Variants in DOCK8 observed in about 807,000 individuals in gnomAD.
DOCK8 encodes the protein dedicator of cytokinesis protein 8.
Under a neutral mutation model 245.6 loss-of-function variants are expected in DOCK8, and 141 were observed. The ratio of observed to expected loss-of-function variants is 0.57; its 90% confidence interval spans 0.50 to 0.66. The LOEUF (loss-of-function observed/expected upper bound fraction) is 0.66, where lower values mean the gene tolerates loss of function less well. Ranked by LOEUF, DOCK8 falls within the 30% of genes least tolerant of loss-of-function variation. DOCK8 has a pLI of 0.00. For synonymous variants in DOCK8, 1,168 were observed against 970.2 expected (o/e 1.20, Z -3.79); for missense variants, 2,965 against 2,603.4 (o/e 1.14, Z -3.02).
rs564047307 is a variant in DOCK8, at chr9:425,678, G to C, written c.4242-1207G>C. 2.7e-5 allele frequency among the ~76,000 whole-genome samples: 4 copies of C among 150,900 alleles called. No homozygotes were observed. The East Asian group carries it at 7.8e-4, about 30-fold the overall frequency. ...GAGGCTAAGGCAGAGCATCACTTGA[G>C]CCCAGGAGTTCGAGGCTTCAGTGAG... On this transcript the variant is annotated intron_variant, in intron 33 of 47. Transcript: ENST00000432829.
chr9:451,622 AAAAAAC>A (rs2057441125), intron 45 of DOCK8, among the ~76,000 whole-genome samples: 1 of 152,006 alleles, frequency 6.6e-6, no homozygotes, highest in Non-Finnish European at 1.5e-5. Flanking sequence ...GACCCTGTCT[AAAAAAC>A]AAAAACAAAA....
At chr9:385,950 T>C (rs577834123) in intron 22 of DOCK8, among the ~76,000 whole-genome samples, 1 of 152,258 alleles carries the variant, frequency 6.6e-6, no homozygotes, top group East Asian at 1.9e-4. Context: ...TTTTTGACAA[T>C]GTATTGGTGT....
At position 392,137 on chromosome 9, in the gene DOCK8, T is replaced by TAA. The variant is rs79584385; in HGVS notation, c.2970+1586_2970+1587dup. Among the ~76,000 whole-genome samples, 252 of 124,720 alleles carry TAA rather than the reference T, an allele frequency of 2.0e-3. 1 individual carries two copies. The highest frequency in any genetic ancestry group is 7.0e-3 in the African/African-American group (238 of 33,866). 81.8% of individuals were successfully genotyped at this position (124,720 alleles called of 152,430 possible). A position where few individuals can be genotyped will look rare whatever the true frequency, so the allele number is the denominator to read the frequency against. ...TGGGCAAAAAGAGCAAAACTCCATC[T>TAA]AAAAAAAAAAAAAAAAGAGAGAGGG... On this transcript the variant is annotated intron_variant, in intron 24 of 47. Coordinates refer to ENST00000432829, the MANE Select transcript of DOCK8 (RefSeq NM_203447.4).
At chr9:255,142 C>T (rs1027710181) in intron 1 of DOCK8, among the ~76,000 whole-genome samples, 3 of 152,094 alleles carry the variant, frequency 2.0e-5, no homozygotes, top group African/African-American at 7.2e-5. Flanking sequence ...AAAAAGAGAA[C>T]AGTCTCAATA....
intron 27 of DOCK8, 155 bp downstream of exon 27, chr9:405,228 C>G: frequency 1.3e-6 from 1 of 744,304 alleles, no homozygotes; most frequent in Admixed American, 2.5e-5. Context: ...TGAAGTTACA[C>G]CACTAGCTAA....
intron 45 of DOCK8, 131 bp from the exon 46 acceptor site, chr9:451,880 T>C (rs2057450595): frequency 4.6e-6 from 1 of 215,172 alleles, no homozygotes; most frequent in Non-Finnish European, 8.1e-6. Context: ...TGTATATATA[T>C]ATACATATAT....
intron 4 of DOCK8, among the ~76,000 whole-genome samples, chr9:292,824 T>C (rs985147474): frequency 6.6e-6 from 1 of 152,212 alleles, no homozygotes; most frequent in Non-Finnish European, 1.5e-5. Context: ...GCTTAAAATT[T>C]GATTCACAAA....
intron 18 of DOCK8, among the ~76,000 whole-genome samples, chr9:375,169 C>G (rs896721156): frequency 6.6e-6 from 1 of 152,096 alleles, no homozygotes; most frequent in African/African-American, 2.4e-5. Context: ...ACTTTGGGCC[C>G]CAGCTTTTGA....
chr9:417,942 C>A, intron 29 of DOCK8, 126 bp from the exon 30 acceptor site: 2 of 1,208,872 alleles, frequency 1.7e-6, no homozygotes, highest in African/African-American at 1.5e-5. Flanking sequence ...ATACATAATG[C>A]TAAACATCAG....
In DOCK8 at chr9:286,518, C is replaced by G; in HGVS notation, c.214C>G (p.Leu72Val). 1 of 1,614,062 alleles carries G rather than the reference C, an allele frequency of 6.2e-7. No homozygotes were observed. The highest frequency in any genetic ancestry group is 8.5e-7 in the Non-Finnish European group (1 of 1,179,944). Residue 72 changes from leucine to valine, a missense_variant, in exon 3 of 48, where the codon CTG becomes GTG. This residue lies in a region of DOCK8 where 2,825 missense variants were observed against 2,453.5 expected (regional missense o/e 1.15). Coordinates refer to ENST00000432829, the MANE Select transcript of DOCK8 (RefSeq NM_203447.4). The stretch of plus-strand genomic sequence containing the variant: ...CTTTGAAGGACTTCTGATGACACAC[C>G]TGAACAGCCTGGATGTGCAGCTTGC... ...VDFEGLLMTH[L>V]NSLDVQLAQE...
chr9:425,289 T>C (rs763796966), intron 33 of DOCK8, among the ~76,000 whole-genome samples: 3 of 152,030 alleles, frequency 2.0e-5, no homozygotes, highest in Admixed American at 6.6e-5. Flanking sequence ...TCCCAGCACT[T>C]TGGGAGGCCG....
rs1161168585 is a variant in DOCK8 at position 418,146 on chromosome 9, C to G, written c.3779C>G (p.Ala1260Gly). The change falls in exon 30 of 48, where the codon GCT becomes GGT. Residue 1260 changes from alanine (A) to glycine (G), a missense_variant. By Grantham distance (60) the Ala-to-Gly change is moderately conservative (BLOSUM62 0). Around this residue, in one of 3 missense-constraint regions of DOCK8, gnomAD observed 2,825 missense variants for 2,453.5 expected, o/e 1.15. Transcript: ENST00000432829. ...GCCGGTGCCATTAACCAGAATGTGG[C>G]TCTGGCCATAGCAGGGAATAATTTC... Reference protein sequence around the residue: ...EGAGAINQNVALAIAGNNFNL... With the variant: ...EGAGAINQNVGLAIAGNNFNL... 1 of 1,614,228 alleles carries G rather than the reference C, an allele frequency of 6.2e-7. No homozygotes were observed. The highest frequency in any genetic ancestry group is 8.5e-7 in the Non-Finnish European group (1 of 1,180,032).
intron 7 of DOCK8, among the ~76,000 whole-genome samples, chr9:324,526 T>C (rs1451151999): frequency 6.6e-6 from 1 of 152,092 alleles, no homozygotes; most frequent in African/African-American, 2.4e-5. Context: ...GGATTATGCT[T>C]TGGGATTCAC....
chr9:215,801 C>G (rs1291590482), intron 1 of DOCK8: 1 of 179,190 alleles, frequency 5.6e-6, no homozygotes, highest in East Asian at 1.7e-4. Flanking sequence ...GGTGCTTTAA[C>G]TGCAGTTTTT....
At chr9:306,296 C>T (rs184954296) in intron 5 of DOCK8, among the ~76,000 whole-genome samples, 1 of 152,236 alleles carries the variant, frequency 6.6e-6, no homozygotes, top group East Asian at 1.9e-4. Context: ...TAGAATCAGC[C>T]ATCATTTCCA....
Position 371,524 on chromosome 9 carries a change from G to A in DOCK8, c.1965G>A (p.Gln655=), listed in dbSNP as rs760571623. Reference sequence around the variant, plus strand: ...TCACCTTCTACCATATCAGCTGTCAGCAGAAGCAAGGAGCCTCCGTGGAAA... The same window carrying A: ...TCACCTTCTACCATATCAGCTGTCAACAGAAGCAAGGAGCCTCCGTGGAAA... ...LLFTFYHISC[Q]QKQGASVETL... The change falls in exon 17 of 48, where the codon CAG becomes CAA. Residue 655 remains glutamine (Q), a synonymous_variant. Coordinates refer to ENST00000432829, the MANE Select transcript of DOCK8 (RefSeq NM_203447.4). The A allele has an allele frequency of 5.0e-6, 8 of 1,614,212 alleles. No individual in the cohort carries two copies. Among genetic ancestry groups the A allele is most frequent in the East Asian group, 4.5e-5 (2 of 44,884 alleles).
At chr9:390,369 G>A (rs567861299) in intron 23 of DOCK8, 102 bp from the exon 24 acceptor site, 16 of 1,085,258 alleles carry the variant, frequency 1.5e-5, no homozygotes, top group East Asian at 9.9e-5. Flanking sequence ...CTTCAGGAAC[G>A]AACAAGCTAT....
At chr9:365,840 G>A in intron 14 of DOCK8, 1 of 357,014 alleles carries the variant, frequency 2.8e-6, no homozygotes, top group Non-Finnish European at 5.5e-6. Context: ...AGCAGAGAGG[G>A]GTCTGTACCC....
intron 35 of DOCK8, among the ~76,000 whole-genome samples, chr9:429,192 C>G (rs2056616152): frequency 6.6e-6 from 1 of 152,196 alleles, no homozygotes; most frequent in Admixed American, 6.5e-5. Context: ...GTCTTGAACT[C>G]CTGACCTCAA....
Sources: gnomAD v4.1 joint callset for allele counts (sites outside exome capture counted in the v4.1 genomes callset) on GRCh38, gnomAD v4.1.1 for gene constraint, gnomAD v4.1.1 regional missense constraint, MANE v1.5 for transcripts, NCBI Gene and HGNC (gene_info 2026-07-23, HGNC 2026-07-21) for gene names.